The following MATCAP2 variants were observed in gnomAD, a reference collection of about 807,000 sequenced individuals.
MATCAP2 encodes putative tyrosine carboxypeptidase MATCAP2.
At chr7:36,390,117 T>C in the MATCAP2 span, 4 of 1,606,426 alleles carry the variant, frequency 2.5e-6, no homozygotes, top group East Asian at 2.2e-5. Context: ...TCTGTCAACC[T>C]CTGGGCGAAC....
At chr7:36,374,789 T>C in the MATCAP2 span, among the ~76,000 whole-genome samples, 1 of 152,146 alleles carries the variant, frequency 6.6e-6, no homozygotes, top group Non-Finnish European at 1.5e-5. Context: ...ACATGCGGTG[T>C]TTGGTTTTCT....
At chr7:36,333,138 G>C in the MATCAP2 span, among the ~76,000 whole-genome samples, 1 of 152,158 alleles carries the variant, frequency 6.6e-6, no homozygotes, top group Non-Finnish European at 1.5e-5. Context: ...GGATCTCCCA[G>C]CACAGTGCTC....
At chr7:36,357,765 GCTA>G in the MATCAP2 span, among the ~76,000 whole-genome samples, 2 of 152,134 alleles carry the variant, frequency 1.3e-5, no homozygotes, top group African/African-American at 4.8e-5. Flanking sequence ...GGTCACGCTA[GCTA>G]CTGTCATTTC....
At chr7:36,354,214 T>C in the MATCAP2 span, among the ~76,000 whole-genome samples, 1 of 152,194 alleles carries the variant, frequency 6.6e-6, no homozygotes, top group South Asian at 2.1e-4. Context: ...CAGCCTGCTG[T>C]ATGTCCTGTA....
the MATCAP2 span, among the ~76,000 whole-genome samples, chr7:36,347,295 C>T: frequency 4.6e-5 from 7 of 152,026 alleles, no homozygotes; most frequent in African/African-American, 1.2e-4. Context: ...TAATGACAAA[C>T]TTTTGGTTTA....
At chr7:36,370,654 T>C in the MATCAP2 span, among the ~76,000 whole-genome samples, 1 of 152,132 alleles carries the variant, frequency 6.6e-6, no homozygotes, top group Non-Finnish European at 1.5e-5. Flanking sequence ...GCTAATTTTG[T>C]ATTTTTAGTA....
the MATCAP2 span, chr7:36,390,284 T>TA: frequency 1.7e-6 from 1 of 603,204 alleles, no homozygotes; most frequent in East Asian, 2.9e-5. Context: ...GAGTCTGTCC[T>TA]AAAAGGCTGT....
At chr7:36,336,312 G>A in the MATCAP2 span, 3 of 1,496,712 alleles carry the variant, frequency 2.0e-6, no homozygotes, top group African/African-American at 4.2e-5. Context: ...AAAAGAAAGA[G>A]AGATAATGAA....
At chr7:36,357,170 G>A in the MATCAP2 span, 2 of 1,614,074 alleles carry the variant, frequency 1.2e-6, no homozygotes, top group Admixed American at 1.7e-5. Context: ...TTTGGGTTTA[G>A]GTGGCAGTAC....
the MATCAP2 span, among the ~76,000 whole-genome samples, chr7:36,346,284 A>G: frequency 6.6e-6 from 1 of 152,224 alleles, no homozygotes; most frequent in Non-Finnish European, 1.5e-5. Flanking sequence ...CCACTACTAG[A>G]TGTGGACCCA....
the MATCAP2 span, among the ~76,000 whole-genome samples, chr7:36,353,860 A>T: frequency 6.6e-6 from 1 of 152,202 alleles, no homozygotes; most frequent in African/African-American, 2.4e-5. Flanking sequence ...AAGATACAAT[A>T]TGAAGTATGA....
At chr7:36,371,094 A>T in the MATCAP2 span, among the ~76,000 whole-genome samples, 1 of 152,112 alleles carries the variant, frequency 6.6e-6, no homozygotes, top group Admixed American at 6.5e-5. Context: ...TAGGTAAAGA[A>T]CGTATTTATT....
At chr7:36,380,712 T>C in the MATCAP2 span, among the ~76,000 whole-genome samples, 1 of 152,182 alleles carries the variant, frequency 6.6e-6, no homozygotes, top group African/African-American at 2.4e-5. Context: ...GATTAGGTGA[T>C]CTATAAATTC....
At chr7:36,383,363 CAT>C in the MATCAP2 span, among the ~76,000 whole-genome samples, 5 of 152,154 alleles carry the variant, frequency 3.3e-5, no homozygotes, top group African/African-American at 1.2e-4. Flanking sequence ...CACATGCACA[CAT>C]ATGTTTACTG....
At chr7:36,332,044 G>C in the MATCAP2 span, among the ~76,000 whole-genome samples, 2 of 152,106 alleles carry the variant, frequency 1.3e-5, no homozygotes, top group African/African-American at 2.4e-5. Context: ...TAATAGCTAT[G>C]ATCAGGTAAT....
the MATCAP2 span, chr7:36,326,829 A>G: frequency 3.7e-6 from 6 of 1,613,974 alleles, no homozygotes; most frequent in East Asian, 2.2e-5. Context: ...AGTGTTCCAT[A>G]TATCGGCCAT....
At chr7:36,390,325 C>T in the MATCAP2 span, 57 of 517,940 alleles carry the variant, frequency 1.1e-4, no homozygotes, top group Non-Finnish European at 1.7e-4. Flanking sequence ...CCGTTTTTAC[C>T]ATGTCCCTCT....
chr7:36,352,199 C>T, the MATCAP2 span, among the ~76,000 whole-genome samples: 1 of 151,464 alleles, frequency 6.6e-6, no homozygotes, highest in East Asian at 2.0e-4. Context: ...AGTTCAACAC[C>T]AGCCTGGCCA....
At chr7:36,379,457 T>C in the MATCAP2 span, among the ~76,000 whole-genome samples, 6 of 152,114 alleles carry the variant, frequency 3.9e-5, no homozygotes, top group African/African-American at 7.2e-5. Flanking sequence ...ACCATGCATG[T>C]GTGTGTCTGT....
Sources: allele counts gnomAD v4.1 joint callset (sites outside exome capture counted in the v4.1 genomes callset), GRCh38; gene constraint gnomAD v4.1.1; transcripts MANE v1.5; gene names NCBI Gene and HGNC (gene_info 2026-07-23, HGNC 2026-07-21).